Variants in COL26A1 observed in about 807,000 individuals in gnomAD.
The protein encoded by COL26A1 is collagen alpha-1(XXVI) chain.
A neutral mutation model predicts 59.3 loss-of-function variants in COL26A1; 41 were observed. That is an observed-to-expected ratio of 0.69 (90% CI 0.54 to 0.90). COL26A1 has a LOEUF of 0.90. Ranked by LOEUF, COL26A1 falls within the 40% of genes least tolerant of loss-of-function variation. The probability of loss-of-function intolerance (pLI) is 0.00; values close to 1 mark genes in which losing one functional copy is unlikely to be tolerated. For synonymous variants in COL26A1, 266 were observed against 256.0 expected (o/e 1.04, Z -0.37); for missense variants, 612 against 602.3 (o/e 1.02, Z -0.17).
chr7:101,545,081 G>A (rs547274434), intron 6 of COL26A1, among the ~76,000 whole-genome samples: 1 of 152,212 alleles, frequency 6.6e-6, no homozygotes, highest in South Asian at 2.1e-4. Context: ...AGCCTTTGCT[G>A]ATTTCACCGT....
intron 2 of COL26A1, among the ~76,000 whole-genome samples, chr7:101,420,880 A>G (rs1220166486): frequency 6.6e-6 from 1 of 151,830 alleles, no homozygotes; most frequent in African/African-American, 2.4e-5. Flanking sequence ...ACGGTCTCCA[A>G]AGTTCCAACT....
chr7:101,386,375 G>A (rs1325548804), intron 1 of COL26A1, among the ~76,000 whole-genome samples: 2 of 151,196 alleles, frequency 1.3e-5, no homozygotes, highest in African/African-American at 4.9e-5. Context: ...GCTCAAGCAA[G>A]CCTCCTGAGT....
chr7:101,444,463 T>C (rs1326063736), intron 2 of COL26A1, among the ~76,000 whole-genome samples: 3 of 150,968 alleles, frequency 2.0e-5, no homozygotes, highest in African/African-American at 7.3e-5. Context: ...TTGCCCAGTC[T>C]GGAGTGCAGT....
intron 1 of COL26A1, among the ~76,000 whole-genome samples, chr7:101,390,591 A>G (rs1245024193): frequency 6.6e-6 from 1 of 151,922 alleles, no homozygotes; most frequent in African/African-American, 2.4e-5. Flanking sequence ...ATGCCTGGCT[A>G]CTTTTTAAAT....
At chr7:101,400,025 C>T (rs1290011479) in intron 1 of COL26A1, among the ~76,000 whole-genome samples, 1 of 152,050 alleles carries the variant, frequency 6.6e-6, no homozygotes, top group Non-Finnish European at 1.5e-5. Flanking sequence ...ACAGTGGCTG[C>T]GAGTGCTGTG....
intron 4 of COL26A1, among the ~76,000 whole-genome samples, chr7:101,535,067 C>T (rs376838311): frequency 1.4e-4 from 21 of 152,248 alleles, no homozygotes; most frequent in Admixed American, 4.6e-4. Flanking sequence ...CATGCATTCG[C>T]GGCTTCCCTT....
At chr7:101,532,657 A>G (rs1274902066) in intron 3 of COL26A1, among the ~76,000 whole-genome samples, 3 of 152,022 alleles carry the variant, frequency 2.0e-5, no homozygotes, top group South Asian at 4.1e-4. Flanking sequence ...CCCTGTGTCT[A>G]TTAGCCCAAC....
intron 3 of COL26A1, among the ~76,000 whole-genome samples, chr7:101,455,767 C>T (rs1470933947): frequency 6.6e-6 from 1 of 152,090 alleles, no homozygotes; most frequent in African/African-American, 2.4e-5. Context: ...ACTGCAACCT[C>T]CGCCTCCTGG....
chr7:101,474,596 A>G (rs1793989087), intron 3 of COL26A1, among the ~76,000 whole-genome samples: 1 of 152,040 alleles, frequency 6.6e-6, no homozygotes, highest in Non-Finnish European at 1.5e-5. Context: ...TGTCTCAAAA[A>G]ATAAATGAAT....
At chr7:101,426,886 C>T (rs995906209) in intron 2 of COL26A1, among the ~76,000 whole-genome samples, 2 of 152,216 alleles carry the variant, frequency 1.3e-5, no homozygotes, top group African/African-American at 4.8e-5. Flanking sequence ...TTGCATTCCG[C>T]TCTCTGAGGT....
intron 1 of COL26A1, among the ~76,000 whole-genome samples, chr7:101,412,621 G>A (rs562718039): frequency 1.8e-4 from 26 of 148,032 alleles, no homozygotes; most frequent in African/African-American, 6.2e-4. Context: ...CTTCAGCCTG[G>A]GCCACAGAGC....
rs28893303 is a variant in COL26A1 at position 101,385,363 on chromosome 7, G to A, written c.158+22173G>A. Among the ~76,000 whole-genome samples, 7 of 122,752 alleles carry A rather than the reference G, an allele frequency of 5.7e-5. No homozygotes were observed. The East Asian group carries it at 1.4e-3, about 24-fold the overall frequency. The allele number at this position is 122,752 out of a possible 152,430, so 80.5% of individuals were successfully genotyped here. A position where few individuals can be genotyped will look rare whatever the true frequency, so the allele number is the denominator to read the frequency against. ...TATATATATATATGTGTATATATAT[G>A]TGTGTATATATATATATATATATTT... On this transcript the variant is annotated intron_variant, in intron 1 of 12. Transcript: ENST00000313669.
chr7:101,387,630 G>GCGCTCTCTCTCTCTCTCTCTCTCTCT (rs1554404011), intron 1 of COL26A1, among the ~76,000 whole-genome samples: 1 of 132,424 alleles, frequency 7.6e-6, no homozygotes, highest in African/African-American at 2.8e-5. Context: ...TCTCTCTCTC[G>GCGCTCTCTCTCTCTCTCTCTCTCTCT]CTCTCTCTCT....
At chr7:101,521,722 A>G (rs1162574479) in intron 3 of COL26A1, among the ~76,000 whole-genome samples, 1 of 152,118 alleles carries the variant, frequency 6.6e-6, no homozygotes, top group Non-Finnish European at 1.5e-5. Flanking sequence ...TGTAACCAGC[A>G]CCCACATTAA....
At chr7:101,465,034 CTTT>C (rs112899121) in intron 3 of COL26A1, among the ~76,000 whole-genome samples, 15 of 130,014 alleles carry the variant, frequency 1.2e-4, no homozygotes, top group Admixed American at 2.4e-4. Context: ...TTCTTTCTTT[CTTT>C]TTTTTTTTTT....
chr7:101,429,516 G>T (rs62463416), intron 2 of COL26A1, among the ~76,000 whole-genome samples: 1 of 150,608 alleles, frequency 6.6e-6, no homozygotes, highest in Admixed American at 6.6e-5. Flanking sequence ...TGATTACTAT[G>T]GCTATATAAT....
At chr7:101,548,638 C>T (rs144837765) in intron 8 of COL26A1, among the ~76,000 whole-genome samples, 70 of 147,790 alleles carry the variant, frequency 4.7e-4, no homozygotes, top group African/African-American at 1.6e-3. Flanking sequence ...TTAGCAGAGA[C>T]GCCAGGAGGG....
At chr7:101,401,580 A>C (rs1584375223) in intron 1 of COL26A1, among the ~76,000 whole-genome samples, 1 of 135,838 alleles carries the variant, frequency 7.4e-6, no homozygotes, top group Non-Finnish European at 1.6e-5. Context: ...GAGGAGGAGG[A>C]AAAGGAGGAG....
intron 3 of COL26A1, among the ~76,000 whole-genome samples, chr7:101,487,018 G>A (rs372904312): frequency 3.9e-5 from 6 of 152,222 alleles, no homozygotes; most frequent in African/African-American, 1.4e-4. Flanking sequence ...TCCCAATTAA[G>A]GGAATTCCAG....
Sources: gnomAD v4.1 joint callset for allele counts (sites outside exome capture counted in the v4.1 genomes callset) on GRCh38, gnomAD v4.1.1 for gene constraint, MANE v1.5 for transcripts, NCBI Gene and HGNC (gene_info 2026-07-23, HGNC 2026-07-21) for gene names.